Variants in BCAR3 observed in about 807,000 individuals in gnomAD.
BCAR3 encodes the protein BCAR3 adaptor protein, NSP family member, also known as breast cancer anti-estrogen resistance protein 3.
In BCAR3, 37 loss-of-function variants were observed where a neutral mutation model predicts 80.1. The observed-to-expected ratio is 0.46, with a 90% CI of 0.36 to 0.61. The LOEUF (loss-of-function observed/expected upper bound fraction) is 0.61, where lower values mean the gene tolerates loss of function less well. BCAR3 is among the 20% of genes least tolerant of loss of function. The pLI, the probability that BCAR3 is intolerant of heterozygous loss-of-function variation, is 0.00. For synonymous variants in BCAR3, 389 were observed against 418.9 expected (o/e 0.93, Z 0.87); for missense variants, 978 against 1,068.2 (o/e 0.92, Z 1.18).
At chr1:93,634,618 C>T (rs1044523414) in intron 3 of BCAR3, among the ~76,000 whole-genome samples, 7 of 152,004 alleles carry the variant, frequency 4.6e-5, no homozygotes, top group Admixed American at 2.0e-4. Flanking sequence ...TTGCTTGAAC[C>T]GAGGAAGTGG....
At chr1:93,803,158 G>A (rs1653547185) in intron 2 of BCAR3, among the ~76,000 whole-genome samples, 1 of 152,114 alleles carries the variant, frequency 6.6e-6, no homozygotes, top group Admixed American at 6.5e-5. Flanking sequence ...CATGCCATGA[G>A]GGATCTCCTG....
chr1:93,652,551 A>C (rs1184030044), intron 2 of BCAR3, among the ~76,000 whole-genome samples: 1 of 152,236 alleles, frequency 6.6e-6, no homozygotes, highest in Admixed American at 6.5e-5. Context: ...ACTGTACAGC[A>C]AACAGTTCTT....
intron 2 of BCAR3, among the ~76,000 whole-genome samples, chr1:93,768,235 C>T (rs1652222044): frequency 1.3e-5 from 2 of 151,734 alleles, no homozygotes; most frequent in African/African-American, 4.9e-5. Flanking sequence ...CTGGCAGAAG[C>T]TCTGCTCAAA....
chr1:93,751,613 C>A (rs1179509849), intron 2 of BCAR3, among the ~76,000 whole-genome samples: 1 of 152,168 alleles, frequency 6.6e-6, no homozygotes, highest in African/African-American at 2.4e-5. Flanking sequence ...TAGTTTTCTT[C>A]TAAACTGCAG....
At chr1:93,729,677 G>C (rs1022154286) in intron 2 of BCAR3, among the ~76,000 whole-genome samples, 5 of 152,188 alleles carry the variant, frequency 3.3e-5, no homozygotes, top group African/African-American at 1.2e-4. Flanking sequence ...TGATACCTCT[G>C]CATCAGCCAG....
In BCAR3 at chr1:93,573,633, A is replaced by ATT. The variant is rs1156233219; in HGVS notation, c.1803-1794_1803-1793dup. On this transcript the variant is annotated intron_variant, in intron 8 of 11. Coordinates refer to ENST00000260502, the MANE Select transcript of BCAR3 (RefSeq NM_003567.4). ...TTTTATTATTATTATTATTATTATT[A>ATT]TTTTTTTTTTTTTGAGACAGGGTTT... 7.8e-3 allele frequency among the ~76,000 whole-genome samples: 1,076 copies of ATT among 138,272 alleles called. 25 individuals carry two copies. The highest frequency in any genetic ancestry group is 0.028 in the African/African-American group (989 of 35,372). 90.7% of individuals were successfully genotyped at this position (138,272 alleles called of 152,430 possible).
chr1:93,592,298 G>A lies in BCAR3; in HGVS notation c.453C>T (p.Ser151=). ...ELLLSSEDLR[S]HAWYHGRIPR... ...GGATGCGGCCGTGGTACCAGGCATG[G>A]CTGCGCAGGTCCTCGCTGCTCAGGA... Residue 151 remains serine (S), a synonymous_variant, in exon 4 of 12, where the codon AGC becomes AGT. Transcript: ENST00000260502. This position sits in a 1 kb window ranked among gnomAD's most constrained non-coding sequence, Gnocchi z 4.8. The A allele has an allele frequency of 6.2e-7, 1 of 1,612,836 alleles. No individual in the cohort carries two copies. The highest frequency in any genetic ancestry group is 8.5e-7 in the Non-Finnish European group (1 of 1,179,980).
rs919862286 is a variant in BCAR3, at chr1:93,573,615, A to ATTTGTTTTTTTTTTTTTTTTTTT, written c.1803-1775_1803-1774insAAAAAAAAAAAAAAAAAAACAAA. On this transcript the variant is annotated intron_variant, in intron 8 of 11. Transcript: ENST00000260502. ...CATAGACCTAAAATATATTTTTATT[A>ATTTGTTTTTTTTTTTTTTTTTTT]TTATTATTATTATTATTATTTTTTT... 1.5e-5 allele frequency among the ~76,000 whole-genome samples: 2 copies of ATTTGTTTTTTTTTTTTTTTTTTT among 129,796 alleles called. 1 individual carries two copies. The allele number at this position is 129,796 out of a possible 152,430, so 85.2% of individuals were successfully genotyped here.
intron 3 of BCAR3, among the ~76,000 whole-genome samples, chr1:93,701,362 G>A (rs1399127398): frequency 6.6e-6 from 1 of 152,138 alleles, no homozygotes. Flanking sequence ...GGCAGAGACC[G>A]GCCACCCCAC....
chr1:93,595,874 G>A (rs1674400007), intron 3 of BCAR3, among the ~76,000 whole-genome samples: 1 of 152,228 alleles, frequency 6.6e-6, no homozygotes, highest in Non-Finnish European at 1.5e-5. Context: ...GCGGAATTCT[G>A]TAGGCTTCCC....
intron 3 of BCAR3, among the ~76,000 whole-genome samples, chr1:93,621,534 C>G (rs1256665764): frequency 6.6e-6 from 1 of 152,074 alleles, no homozygotes; most frequent in Non-Finnish European, 1.5e-5. Context: ...GATAAAGCAC[C>G]CTGGCTGGCC....
At chr1:93,635,393 G>C (rs956101157) in intron 3 of BCAR3, among the ~76,000 whole-genome samples, 2 of 152,230 alleles carry the variant, frequency 1.3e-5, no homozygotes, top group African/African-American at 4.8e-5. Context: ...ATACGGACAT[G>C]TGTTTTCATA....
chr1:93,741,592 CAG>C (rs1651177549), intron 2 of BCAR3, among the ~76,000 whole-genome samples: 1 of 152,156 alleles, frequency 6.6e-6, no homozygotes, highest in African/African-American at 2.4e-5. Context: ...TTACTGGAGA[CAG>C]AGTTTCACTC....
intron 2 of BCAR3, among the ~76,000 whole-genome samples, chr1:93,724,804 G>T (rs1345312092): frequency 6.6e-6 from 1 of 152,200 alleles, no homozygotes; most frequent in East Asian, 1.9e-4. Flanking sequence ...ATCTGAATAG[G>T]ATGGGGCTGG....
chr1:93,833,550 G>C (rs756886136), intron 2 of BCAR3, among the ~76,000 whole-genome samples: 1 of 152,094 alleles, frequency 6.6e-6, no homozygotes, highest in African/African-American at 2.4e-5. Flanking sequence ...CTCCCAGAGC[G>C]GTCATTTTAG....
chr1:93,648,149 T>C (rs954300171), intron 2 of BCAR3, among the ~76,000 whole-genome samples: 2 of 152,164 alleles, frequency 1.3e-5, no homozygotes, highest in Non-Finnish European at 2.9e-5. Context: ...GAAAGTAACA[T>C]GGGTCAATCA....
intron 2 of BCAR3, among the ~76,000 whole-genome samples, chr1:93,653,435 A>G (rs887358485): frequency 1.3e-5 from 2 of 152,066 alleles, no homozygotes; most frequent in Non-Finnish European, 2.9e-5. Flanking sequence ...ACTGTATTGT[A>G]TATTTTTTTA....
intron 2 of BCAR3, among the ~76,000 whole-genome samples, chr1:93,719,896 T>C (rs1650333443): frequency 6.6e-6 from 1 of 152,138 alleles, no homozygotes; most frequent in African/African-American, 2.4e-5. Flanking sequence ...AAGTTGAATT[T>C]TACAATTTTT....
chr1:93,728,419 G>A (rs1046457080), intron 2 of BCAR3, among the ~76,000 whole-genome samples: 4 of 152,194 alleles, frequency 2.6e-5, no homozygotes, highest in Non-Finnish European at 4.4e-5. Flanking sequence ...GTCTATAGGC[G>A]ACTTGTGTTA....
Sources: gnomAD v4.1 joint callset for allele counts (sites outside exome capture counted in the v4.1 genomes callset) on GRCh38, gnomAD v4.1.1 for gene constraint, Gnocchi (gnomAD v3.1) non-coding constraint, MANE v1.5 for transcripts, NCBI Gene and HGNC (gene_info 2026-07-23, HGNC 2026-07-21) for gene names.